Variants in HERC1 observed in about 807,000 individuals in gnomAD.
The protein encoded by HERC1 is HECT and RLD domain containing E3 ubiquitin protein ligase family member 1.
A neutral mutation model predicts 554.3 loss-of-function variants in HERC1; 160 were observed. The observed-to-expected ratio is 0.29, with a 90% CI of 0.25 to 0.33. The LOEUF is 0.33. HERC1 is among the 10% of genes least tolerant of loss of function. The pLI is 1.00. For synonymous variants in HERC1, 2,175 were observed against 2,131.7 expected (o/e 1.02, Z -0.56); for missense variants, 4,919 against 5,918.5 (o/e 0.83, Z 5.54).
chr15:63,650,206 C>T (rs1187629956), intron 53 of HERC1, among the ~76,000 whole-genome samples: 1 of 151,894 alleles, frequency 6.6e-6, no homozygotes, highest in Admixed American at 6.6e-5. Context: ...AATTCGAGAC[C>T]AGCCTAGTCA....
rs748838373 is a variant in HERC1 at position 63,656,105 on chromosome 15, C to A, written c.9853G>T (p.Val3285Leu). 6.2e-7 allele frequency: 1 copy of A among 1,612,860 alleles called. No individual in the cohort carries two copies. The highest frequency in any genetic ancestry group is 8.5e-7 in the Non-Finnish European group (1 of 1,179,372). Residue 3285 changes from valine (V) to leucine (L), a missense_variant, in exon 49 of 78, where the codon GTA (valine) becomes TTA (leucine). Val to Leu is a conservative substitution (Grantham distance 32). Around this residue, in one of 11 missense-constraint regions of HERC1, gnomAD observed 1,963 missense variants for 2,228.6 expected, o/e 0.88. Transcript: ENST00000443617. ...TAGCTTACCTGTGTACACAACTGTACAAGCAGTTTGGCAGCACTAGGAGCA... is the reference window on the plus strand; with the variant it reads ...TAGCTTACCTGTGTACACAACTGTAAAAGCAGTTTGGCAGCACTAGGAGCA... ...SNAPSAAKLL[V>L]QLCTQNLISA...
Position 63,634,788 on chromosome 15 carries a change from G to A in HERC1, c.12515C>T (p.Ser4172Phe), listed in dbSNP as rs757951710. 1.2e-6 allele frequency: 2 copies of A among 1,613,072 alleles called. No individual in the cohort carries two copies. Among genetic ancestry groups the A allele is most frequent in the Admixed American group, 1.7e-5 (1 of 59,938 alleles). ...CACTCTCTCTGGAAGTTTTTTGTTAGAGGTATTTCCAAGACCCAGACGACC... is the reference window on the plus strand; with the variant it reads ...CACTCTCTCTGGAAGTTTTTTGTTAAAGGTATTTCCAAGACCCAGACGACC... ...DYGRLGLGNT[S>F]NKKLPERVTA... The change falls in exon 66 of 78, where the codon TCT (serine) becomes TTT (phenylalanine). Residue 4172 changes from serine (S) to phenylalanine (F), a missense_variant. Physicochemically the swap from Ser to Phe is radical, Grantham distance 155. Around this residue, in one of 11 missense-constraint regions of HERC1, gnomAD observed 410 missense variants for 467.0 expected, o/e 0.88. Coordinates refer to ENST00000443617, the MANE Select transcript of HERC1 (RefSeq NM_003922.4).
chr15:63,718,507 A>C lies in HERC1; in HGVS notation c.3978+67T>G. 2 of 1,474,178 alleles carry C rather than the reference A, an allele frequency of 1.4e-6. No homozygotes were observed. Among genetic ancestry groups the C allele is most frequent in the Admixed American group, 2.4e-5 (1 of 41,672 alleles). 91.3% of individuals were successfully genotyped at this position (1,474,178 alleles called of 1,614,324 possible). ...CCAAGGCACATTTTTTTCTCACATA[A>C]ACCAATTTAGAGCTAGCTCTCACAG... On this transcript the variant is annotated intron_variant, in intron 21 of 77. Coordinates refer to ENST00000443617, the MANE Select transcript of HERC1 (RefSeq NM_003922.4). This position sits in a 1 kb window ranked among gnomAD's most constrained non-coding sequence, Gnocchi z 4.2.
chr15:63,813,543 A>G (rs78471468), intron 1 of HERC1, among the ~76,000 whole-genome samples: 4,693 of 152,234 alleles, frequency 0.031, 233 homozygotes, highest in African/African-American at 0.11. Context: ...CAATAAAATG[A>G]AGATTTACAC....
At position 63,655,777 on chromosome 15, in the gene HERC1, C is replaced by A. The variant is rs1433759371; in HGVS notation, c.10049G>T (p.Arg3350Ile). 3 of 1,568,426 alleles carry A rather than the reference C, an allele frequency of 1.9e-6. No homozygotes were observed. Among genetic ancestry groups the A allele is most frequent in the East Asian group, 2.3e-5 (1 of 42,814 alleles). ...ALLADKGAKL[R>I]PNYDKSEVEK... The stretch of plus-strand genomic sequence containing the variant: ...AACTTCTGACTTATCATAGTTAGGT[C>A]TTAGTTTGGCCCCTTTGTCTGCTAG... The change falls in exon 50 of 78, where the codon AGA (arginine) becomes ATA (isoleucine). Residue 3350 changes from arginine to isoleucine, a missense_variant. This residue lies in a region of HERC1 where 1,963 missense variants were observed against 2,228.6 expected (regional missense o/e 0.88). Transcript: ENST00000443617.
At chr15:63,619,823 G>A (rs2067993011) in intron 74 of HERC1, among the ~76,000 whole-genome samples, 1 of 152,076 alleles carries the variant, frequency 6.6e-6, no homozygotes, top group African/African-American at 2.4e-5. Flanking sequence ...TTGTATTTCT[G>A]TGGGATCGGT....
intron 65 of HERC1, 168 bp from the exon 66 acceptor site, chr15:63,635,056 A>G: frequency 2.2e-6 from 1 of 463,466 alleles, no homozygotes; most frequent in Non-Finnish European, 3.7e-6. Context: ...ATTTTTTTTT[A>G]AATTTTAAAG....
Position 63,666,348 on chromosome 15 carries a change from T to A in HERC1, c.8323+8A>T. On this transcript the variant is annotated splice_region_variant and intron_variant, in intron 41 of 77. Coordinates refer to ENST00000443617, the MANE Select transcript of HERC1 (RefSeq NM_003922.4). ...CTGTATACACTGATATATAAAAACT[T>A]ATCCTACCTGTAGCTTCCATGGCTT... 6.3e-7 allele frequency: 1 copy of A among 1,594,950 alleles called. No homozygotes were observed. Among genetic ancestry groups the A allele is most frequent in the Non-Finnish European group, 8.6e-7 (1 of 1,163,088 alleles).
At chr15:63,675,246 G>A in intron 37 of HERC1, 129 bp from the exon 38 acceptor site, 1 of 701,746 alleles carries the variant, frequency 1.4e-6, no homozygotes, top group Non-Finnish European at 2.2e-6. Context: ...ACACAAACTA[G>A]AGAAATCATT....
intron 12 of HERC1, among the ~76,000 whole-genome samples, chr15:63,740,420 T>TTTTCAATGCTCTTGGGTACAGACCTAG (rs1444967300): frequency 2.6e-5 from 4 of 152,352 alleles, no homozygotes; most frequent in Admixed American, 2.6e-4. Context: ...TGGACATATG[T>TTTTCAATGCTCTTGGGTACAGACCTAG]TTTCAATGCT....
intron 34 of HERC1, among the ~76,000 whole-genome samples, chr15:63,685,661 C>T (rs1254532869): frequency 6.6e-6 from 1 of 152,216 alleles, no homozygotes; most frequent in Non-Finnish European, 1.5e-5. Flanking sequence ...ACTGGCCAAT[C>T]TTATCCCCCT....
chr15:63,696,933 TA>T (rs10546655), intron 26 of HERC1, among the ~76,000 whole-genome samples: 2,306 of 136,482 alleles, frequency 0.017, 45 homozygotes, highest in African/African-American at 0.043. Flanking sequence ...CCTTCTTCTT[TA>T]AAAAAAAAAA....
Position 63,623,714 on chromosome 15 carries a change from C to T in HERC1, c.13611+11G>A. On this transcript the variant is annotated intron_variant, in intron 73 of 77. Coordinates refer to ENST00000443617, the MANE Select transcript of HERC1 (RefSeq NM_003922.4). ...CTAGATAACTCAGCAGGGGACACTG[C>T]AGGAATATACCTGGCACATCTCTGT... 1.2e-6 allele frequency: 2 copies of T among 1,613,336 alleles called. No individual in the cohort carries two copies. Among genetic ancestry groups the T allele is most frequent in the Non-Finnish European group, 1.7e-6 (2 of 1,179,518 alleles).
chr15:63,660,861 G>A, intron 46 of HERC1, 112 bp downstream of exon 46: 2 of 647,544 alleles, frequency 3.1e-6, no homozygotes. Flanking sequence ...AAGTTAACAT[G>A]TACACAAATA....
chr15:63,831,577 T>C (rs749834674), intron 1 of HERC1, among the ~76,000 whole-genome samples: 2 of 152,190 alleles, frequency 1.3e-5, no homozygotes, highest in Non-Finnish European at 2.9e-5. Flanking sequence ...ATTATCATCA[T>C]TTTAAGATCT....
chr15:63,735,154 T>G (rs951578346), intron 12 of HERC1, among the ~76,000 whole-genome samples: 4 of 152,088 alleles, frequency 2.6e-5, no homozygotes, highest in African/African-American at 7.2e-5. Context: ...AGACAAAATC[T>G]CTGCTTTCAT....
chr15:63,779,250 T>A (rs954775731), intron 1 of HERC1, among the ~76,000 whole-genome samples: 3 of 152,084 alleles, frequency 2.0e-5, no homozygotes, highest in Non-Finnish European at 4.4e-5. Context: ...AATATCTGAA[T>A]CAATATACAA....
At chr15:63,675,285 T>A in intron 37 of HERC1, 168 bp from the exon 38 acceptor site, 1 of 529,290 alleles carries the variant, frequency 1.9e-6, no homozygotes, top group Non-Finnish European at 3.2e-6. Context: ...GAGTCTATTA[T>A]GAGAAAATGG....
intron 1 of HERC1, among the ~76,000 whole-genome samples, chr15:63,823,491 G>A (rs2077773368): frequency 6.6e-6 from 1 of 152,136 alleles, no homozygotes; most frequent in Admixed American, 6.5e-5. Flanking sequence ...TACCTAACTG[G>A]TAGAAGGAAG....
Sources: allele counts gnomAD v4.1 joint callset (sites outside exome capture counted in the v4.1 genomes callset), GRCh38; gene constraint gnomAD v4.1.1; regional missense constraint gnomAD v4.1.1; non-coding constraint Gnocchi (gnomAD v3.1); transcripts MANE v1.5; gene names NCBI Gene and HGNC (gene_info 2026-07-23, HGNC 2026-07-21).